CEP78: variants seen among roughly 807,000 people sequenced by gnomAD.
The protein encoded by CEP78 is centrosomal protein of 78 kDa.
CEP78 carries 76 observed loss-of-function variants against 81.2 expected under a neutral mutation model. The ratio of observed to expected loss-of-function variants is 0.94; its 90% CI spans 0.78 to 1.13. The LOEUF is 1.13. Among genes scored for constraint, CEP78 ranks in the 50% most tolerant of loss-of-function variants. The pLI is 0.00. For missense variants in CEP78, 918 were observed against 846.8 expected (o/e 1.08, Z -1.04); for synonymous variants, 293 against 301.4 (o/e 0.97, Z 0.29).
At chr9:78,237,632 G>C (rs1826017663) in intron 1 of CEP78, among the ~76,000 whole-genome samples, 1 of 152,160 alleles carries the variant, frequency 6.6e-6, no homozygotes, top group Non-Finnish European at 1.5e-5. Context: ...GCCAAACAGG[G>C]AGGGTCCTCG....
chr9:78,236,319 C>CT lies in CEP78; in HGVS notation c.-32_-31insT. 2 of 1,536,914 alleles carry CT rather than the reference C, an allele frequency of 1.3e-6. No homozygotes were observed. The highest frequency in any genetic ancestry group is 1.7e-6 in the Non-Finnish European group (2 of 1,146,408). ...TGGGTGGGCGCGGGCGGCGTCTCCG[C>CT]GGCGGGCATCCCCCGAGGCCGCCCT... is the stretch of plus-strand genomic sequence containing the variant. On this transcript the variant is annotated 5_prime_UTR_variant, in exon 1 of 17. Transcript: ENST00000643273.
In CEP78 at chr9:78,272,644, A is replaced by C. The variant is rs1022908090; in HGVS notation, c.*1793A>C. On this transcript the variant is annotated 3_prime_UTR_variant, in exon 17 of 17. Transcript: ENST00000643273. ...ATATATTAAAATATATATAAAGTTA[A>C]GGGTATGTTAGTAAGGATAGGTTAG... 2.0e-5 allele frequency: 3 copies of C among 152,172 alleles called. No homozygotes were observed. Among genetic ancestry groups the C allele is most frequent in the Non-Finnish European group, 2.9e-5 (2 of 68,048 alleles). The allele number at this position is 152,172 out of a possible 1,614,324, so 9.4% of individuals were successfully genotyped here.
chr9:78,260,142 G>A (rs1178595397), intron 11 of CEP78, among the ~76,000 whole-genome samples: 1 of 152,194 alleles, frequency 6.6e-6, no homozygotes, highest in Non-Finnish European at 1.5e-5. Context: ...TTCATTGCCA[G>A]TAGCAGTATA....
intron 5 of CEP78, among the ~76,000 whole-genome samples, 196 bp from the exon 6 acceptor site, chr9:78,246,473 G>T (rs535696566): frequency 6.6e-6 from 1 of 152,156 alleles, no homozygotes; most frequent in East Asian, 1.9e-4. Flanking sequence ...GGTGGCGGGC[G>T]CCTGTAGTCC....
chr9:78,258,925 A>G (rs958275291), intron 11 of CEP78, among the ~76,000 whole-genome samples: 14 of 152,294 alleles, frequency 9.2e-5, no homozygotes, highest in African/African-American at 2.6e-4. Context: ...AAGTGAGCAC[A>G]CCTACTTTGG....
rs946353402 is a variant in CEP78 at position 78,243,720 on chromosome 9, C to T, written c.778+84C>T. Reference sequence around the variant, plus strand: ...TAACTCTTGGCACAGTAATGTTGTCCGAAGGTTTTTTAAAAAGCCTCTTTT... The same window carrying T: ...TAACTCTTGGCACAGTAATGTTGTCTGAAGGTTTTTTAAAAAGCCTCTTTT... On this transcript the variant is annotated intron_variant, in intron 5 of 16. Coordinates refer to ENST00000643273, the MANE Select transcript of CEP78 (RefSeq NM_001330691.3). The T allele has an allele frequency of 9.9e-5, 109 of 1,105,422 alleles. 1 individual carries two copies. The African/African-American group carries it at 1.2e-3, about 12-fold the overall frequency. 68.5% of individuals were successfully genotyped at this position (1,105,422 alleles called of 1,614,324 possible). A position where few individuals can be genotyped will look rare whatever the true frequency, so the allele number is the denominator to read the frequency against.
At position 78,236,389 on chromosome 9, in the gene CEP78, G is replaced by A; in HGVS notation, c.39G>A (p.Ala13=). Residue 13 remains alanine (A), a synonymous_variant, in exon 1 of 17, where the codon GCG becomes GCA. Transcript: ENST00000643273. ...DSVKLRRDSA[A]DFFSHYEYLC... The stretch of plus-strand genomic sequence containing the variant: ...TGAAGCTGCGCCGCGACAGCGCGGC[G>A]GACTTCTTCTCCCACTACGAGTACC... 3 of 1,592,174 alleles carry A rather than the reference G, an allele frequency of 1.9e-6. No homozygotes were observed. The highest frequency in any genetic ancestry group is 1.7e-5 in the Admixed American group (1 of 57,576).
chr9:78,266,423 G>T lies in CEP78; in HGVS notation c.1846-19G>T. The T allele has an allele frequency of 6.4e-7, 1 of 1,560,982 alleles. No homozygotes were observed. The highest frequency in any genetic ancestry group is 8.7e-7 in the Non-Finnish European group (1 of 1,150,548). ...TGGCTTTGTTTGTCACTAAATTTTTGTTTTGTTTTTCCTTCTAGTTTCAGA... is the reference window on the plus strand; with the variant it reads ...TGGCTTTGTTTGTCACTAAATTTTTTTTTTGTTTTTCCTTCTAGTTTCAGA... On this transcript the variant is annotated intron_variant, in intron 15 of 16. Transcript: ENST00000643273.
chr9:78,249,824 A>G (rs575668091), intron 8 of CEP78: 1 of 153,162 alleles, frequency 6.5e-6, no homozygotes, highest in Non-Finnish European at 1.5e-5. Flanking sequence ...CATGAAGACT[A>G]CTACAGAGAA....
At chr9:78,237,697 A>G (rs1470396546) in intron 1 of CEP78, among the ~76,000 whole-genome samples, 1 of 152,196 alleles carries the variant, frequency 6.6e-6, no homozygotes, top group East Asian at 1.9e-4. Flanking sequence ...AAACCGCTGT[A>G]GGATGATGAG....
intron 6 of CEP78, among the ~76,000 whole-genome samples, chr9:78,247,969 GCAT>G: frequency 6.6e-6 from 1 of 152,294 alleles, no homozygotes; most frequent in East Asian, 1.9e-4. Flanking sequence ...TGCCTTTTAA[GCAT>G]CTAAGTATCT....
At chr9:78,251,804 T>C in intron 8 of CEP78, 104 bp from the exon 9 acceptor site, 1 of 903,214 alleles carries the variant, frequency 1.1e-6, no homozygotes, top group African/African-American at 1.6e-5. Flanking sequence ...TTGGTGTCAT[T>C]GTCAGGTGCC....
intron 8 of CEP78, chr9:78,249,456 C>T (rs1315125548): frequency 6.6e-6 from 1 of 152,102 alleles, no homozygotes; most frequent in Non-Finnish European, 1.5e-5. Flanking sequence ...TTTAGACAAA[C>T]ATTCCCTAAA....
intron 1 of CEP78, among the ~76,000 whole-genome samples, chr9:78,237,667 T>C (rs1035579574): frequency 6.6e-6 from 1 of 152,132 alleles, no homozygotes; most frequent in Non-Finnish European, 1.5e-5. Flanking sequence ...GAGTTGGATG[T>C]TTATCCTGAA....
intron 6 of CEP78, among the ~76,000 whole-genome samples, 188 bp downstream of exon 6, chr9:78,246,970 T>C (rs1402202566): frequency 1.3e-5 from 2 of 152,264 alleles, no homozygotes; most frequent in African/African-American, 4.8e-5. Context: ...TGCTCTTGGC[T>C]GCTACTCTGA....
At position 78,277,475 on chromosome 9, in the gene CEP78, A is replaced by G. The variant is rs1359214550; in HGVS notation, c.*6624A>G. 6.6e-6 allele frequency: 1 copy of G among 152,216 alleles called. No individual in the cohort carries two copies. The highest frequency in any genetic ancestry group is 1.5e-5 in the Non-Finnish European group (1 of 68,034). The allele number at this position is 152,216 out of a possible 1,614,324, so 9.4% of individuals were successfully genotyped here. A position where few individuals can be genotyped will look rare whatever the true frequency, so the allele number is the denominator to read the frequency against. On this transcript the variant is annotated 3_prime_UTR_variant, in exon 17 of 17. Coordinates refer to ENST00000643273, the MANE Select transcript of CEP78 (RefSeq NM_001330691.3). The stretch of plus-strand genomic sequence containing the variant: ...TAAAAATATTTTATAAATAAGAAAT[A>G]CAGACTATAAACATAAACTTTCAAC...
intron 12 of CEP78, among the ~76,000 whole-genome samples, chr9:78,263,710 A>G (rs763896506): frequency 2.0e-5 from 3 of 152,146 alleles, no homozygotes; most frequent in African/African-American, 4.8e-5. Flanking sequence ...CAAAGGGGCA[A>G]TATTGGTAAT....
Position 78,253,541 on chromosome 9 carries a change from A to AT in CEP78, c.1251+267dup, listed in dbSNP as rs60411319. On this transcript the variant is annotated intron_variant, in intron 10 of 16. Coordinates refer to ENST00000643273, the MANE Select transcript of CEP78 (RefSeq NM_001330691.3). The stretch of plus-strand genomic sequence containing the variant: ...TCAGCTGTTGCCTCCAGCAAAACAA[A>AT]TTTGACCACCATTTCTCACCCGACA... The AT allele has an allele frequency of 1.0e-3, 391 of 378,624 alleles. 3 individuals are homozygous for AT. Among genetic ancestry groups the AT allele is most frequent in the African/African-American group, 6.7e-3 (334 of 49,910 alleles). 23.5% of individuals were successfully genotyped at this position (378,624 alleles called of 1,614,324 possible).
intron 8 of CEP78, 97 bp downstream of exon 8, chr9:78,248,970 A>G (rs974826444): frequency 7.4e-6 from 4 of 538,906 alleles, no homozygotes; most frequent in Non-Finnish European, 1.3e-5. Context: ...GTAACAACCA[A>G]TATTGACTCC....
Sources: gnomAD v4.1 joint callset for allele counts (sites outside exome capture counted in the v4.1 genomes callset) on GRCh38, gnomAD v4.1.1 for gene constraint, MANE v1.5 for transcripts, NCBI Gene and HGNC (gene_info 2026-07-23, HGNC 2026-07-21) for gene names.